Variants in CCDC192 observed in about 807,000 individuals in gnomAD.
The protein encoded by CCDC192 is coiled-coil domain containing 192.
chr5:127,724,210 C>T (rs373804188), intron 2 of CCDC192, among the ~76,000 whole-genome samples: 3 of 152,086 alleles, frequency 2.0e-5, no homozygotes, highest in East Asian at 3.9e-4. Context: ...ATGTTTATTA[C>T]AATATAATAT....
chr5:127,746,612 C>CT (rs5871272), intron 2 of CCDC192, among the ~76,000 whole-genome samples: 13,028 of 143,588 alleles, frequency 0.091, 714 homozygotes, highest in Non-Finnish European at 0.14. Context: ...TGTTTAAAGC[C>CT]TTTTTTTTTT....
rs547941908 is a variant in CCDC192 at position 127,913,939 on chromosome 5, A to AT, written c.536-27240dup. ...AAGGAATACATAGCTATGCCTAACAATTTGAGTTTGCTTTGACTGGTATTT... is the reference window on the plus strand; with the variant it reads ...AAGGAATACATAGCTATGCCTAACAATTTTGAGTTTGCTTTGACTGGTATTT... On this transcript the variant is annotated intron_variant, in intron 6 of 6. Coordinates refer to ENST00000514853, the MANE Select transcript of CCDC192 (RefSeq NM_001317938.2). Among the ~76,000 whole-genome samples the AT allele has an allele frequency of 6.6e-4, 101 of 152,358 alleles. 1 individual carries two copies. In the South Asian group the frequency reaches 0.016, roughly 24 times the overall value.
chr5:127,777,208 A>G (rs767082627), intron 3 of CCDC192, among the ~76,000 whole-genome samples: 5 of 152,200 alleles, frequency 3.3e-5, no homozygotes, highest in Non-Finnish European at 5.9e-5. Flanking sequence ...GCTACCCAAG[A>G]CCATGGGAGC....
chr5:127,800,290 G>C (rs1757410940), intron 5 of CCDC192, among the ~76,000 whole-genome samples: 2 of 137,764 alleles, frequency 1.5e-5, no homozygotes, highest in African/African-American at 5.4e-5. Context: ...AGCCTCCCCT[G>C]ATTAGAGATC....
intron 6 of CCDC192, among the ~76,000 whole-genome samples, chr5:127,937,974 G>A (rs968265183): frequency 6.6e-6 from 1 of 152,120 alleles, no homozygotes; most frequent in African/African-American, 2.4e-5. Flanking sequence ...CGTCAGACAG[G>A]CACAGTGAGG....
chr5:127,885,190 A>G (rs1752519919), intron 6 of CCDC192, among the ~76,000 whole-genome samples: 1 of 152,142 alleles, frequency 6.6e-6, no homozygotes, highest in Non-Finnish European at 1.5e-5. Context: ...TAAATGTCAG[A>G]CAAAGCACAA....
chr5:127,899,578 A>T (rs1260106443), intron 6 of CCDC192, among the ~76,000 whole-genome samples: 1 of 146,162 alleles, frequency 6.8e-6, no homozygotes, highest in Admixed American at 6.9e-5. Context: ...AAAAAAAAAA[A>T]ATTTGATTTG....
chr5:127,868,030 T>C (rs1751687261), intron 5 of CCDC192, among the ~76,000 whole-genome samples: 1 of 148,904 alleles, frequency 6.7e-6, no homozygotes, highest in African/African-American at 2.5e-5. Flanking sequence ...TTTTTTCAAG[T>C]TGGCGAGATC....
chr5:127,750,116 A>C (rs1490513201), intron 2 of CCDC192, among the ~76,000 whole-genome samples: 1 of 151,354 alleles, frequency 6.6e-6, no homozygotes, highest in Admixed American at 6.6e-5. Flanking sequence ...TATTTCCTTC[A>C]CTTCTGCTCG....
At chr5:127,903,686 AT>A (rs1441145133) in intron 6 of CCDC192, among the ~76,000 whole-genome samples, 1 of 152,230 alleles carries the variant, frequency 6.6e-6, no homozygotes, top group Non-Finnish European at 1.5e-5. Context: ...AAAAGGGGAG[AT>A]GACCAAACAA....
intron 6 of CCDC192, among the ~76,000 whole-genome samples, chr5:127,937,437 G>C (rs951654046): frequency 6.6e-6 from 1 of 152,120 alleles, no homozygotes; most frequent in Non-Finnish European, 1.5e-5. Flanking sequence ...TCATGATGCA[G>C]CCAGTGCCCT....
At chr5:127,717,154 CTGCT>C (rs1246051919) in intron 2 of CCDC192, among the ~76,000 whole-genome samples, 3 of 152,104 alleles carry the variant, frequency 2.0e-5, no homozygotes, top group African/African-American at 7.2e-5. Flanking sequence ...AAATGAATAT[CTGCT>C]TGCAAACTTC....
intron 2 of CCDC192, among the ~76,000 whole-genome samples, chr5:127,709,202 G>GGAGAGAGAGAGA (rs201676720): frequency 2.9e-4 from 25 of 85,762 alleles, no homozygotes; most frequent in South Asian, 1.2e-3. Context: ...GGAGAGAGGG[G>GGAGAGAGAGAGA]GAGAGAGAGA....
intron 6 of CCDC192, among the ~76,000 whole-genome samples, chr5:127,904,954 C>A (rs1753156190): frequency 1.3e-5 from 2 of 152,058 alleles, no homozygotes; most frequent in East Asian, 3.9e-4. Context: ...AATGAAAAGC[C>A]TCTGTGCAAC....
chr5:127,792,355 C>T (rs1042631308), intron 3 of CCDC192, among the ~76,000 whole-genome samples: 1 of 152,058 alleles, frequency 6.6e-6, no homozygotes, highest in African/African-American at 2.4e-5. Flanking sequence ...CCTTATAAAA[C>T]CATCAGATCT....
chr5:127,936,333 A>T (rs577915653), intron 6 of CCDC192, among the ~76,000 whole-genome samples: 1 of 152,204 alleles, frequency 6.6e-6, no homozygotes, highest in Admixed American at 6.5e-5. Context: ...TTTTGAGGGT[A>T]TGAAGAACAG....
chr5:127,926,961 G>A (rs1408926170), intron 6 of CCDC192, among the ~76,000 whole-genome samples: 1 of 152,108 alleles, frequency 6.6e-6, no homozygotes, highest in Non-Finnish European at 1.5e-5. Context: ...AGGGGAGAGT[G>A]CTCTGAGGAA....
At chr5:127,739,047 C>T (rs1409857576) in intron 2 of CCDC192, among the ~76,000 whole-genome samples, 1 of 152,064 alleles carries the variant, frequency 6.6e-6, no homozygotes, top group Non-Finnish European at 1.5e-5. Flanking sequence ...TGTTTTTTCC[C>T]CATCTTTGTG....
chr5:127,933,355 G>T (rs1448754497), intron 6 of CCDC192, among the ~76,000 whole-genome samples: 2 of 152,182 alleles, frequency 1.3e-5, no homozygotes, highest in Admixed American at 6.5e-5. Flanking sequence ...GACCAGAGAA[G>T]AAGCTATTGC....
Sources: gnomAD v4.1 joint callset for allele counts (sites outside exome capture counted in the v4.1 genomes callset) on GRCh38, gnomAD v4.1.1 for gene constraint, MANE v1.5 for transcripts, NCBI Gene and HGNC (gene_info 2026-07-23, HGNC 2026-07-21) for gene names.